YPEL3: variants seen among roughly 807,000 people sequenced by gnomAD.
The protein encoded by YPEL3 is protein yippee-like 3.
Under a neutral mutation model 17.5 loss-of-function variants are expected in YPEL3, and 5 were observed. The ratio of observed to expected loss-of-function variants is 0.29; its 90% CI spans 0.15 to 0.60. The LOEUF is 0.60. Among genes scored for constraint, YPEL3 ranks in the 20% least tolerant of loss-of-function variants. The pLI is 0.87. For synonymous variants in YPEL3, 87 were observed against 87.2 expected (o/e 1.00, Z 0.01); for missense variants, 155 against 211.4 (o/e 0.73, Z 1.65).
intron 3 of YPEL3, among the ~76,000 whole-genome samples, chr16:30,093,065 A>C (rs2072751926): frequency 6.6e-6 from 1 of 152,244 alleles, no homozygotes; most frequent in Non-Finnish European, 1.5e-5. Flanking sequence ...TGGTAGCTTC[A>C]TGGCCATTTT....
Position 30,095,532 on chromosome 16 carries a change from T to C in YPEL3, c.-50A>G, listed in dbSNP as rs1457473491. 16 of 1,409,368 alleles carry C rather than the reference T, an allele frequency of 1.1e-5. No homozygotes were observed. Among genetic ancestry groups the C allele is most frequent in the Non-Finnish European group, 1.5e-5 (16 of 1,067,774 alleles). The allele number at this position is 1,409,368 out of a possible 1,614,324, so 87.3% of individuals were successfully genotyped here. On this transcript the variant is annotated 5_prime_UTR_variant, in exon 1 of 4. Coordinates refer to ENST00000398841, the MANE Select transcript of YPEL3 (RefSeq NM_031477.5). The surrounding 1 kb of genome is among the most constrained non-coding windows in gnomAD (Gnocchi z 5.4). Reference sequence around the variant, plus strand: ...GACTCGCTCTGTCACACTGGGCTGCTCTCTCCTTTCCCCAGAGCCAGCAGC... The same window carrying C: ...GACTCGCTCTGTCACACTGGGCTGCCCTCTCCTTTCCCCAGAGCCAGCAGC...
At position 30,095,089 on chromosome 16, in the gene YPEL3, G is replaced by A. The variant is rs528186488; in HGVS notation, c.275+14C>T. 2.5e-6 allele frequency: 4 copies of A among 1,614,072 alleles called. No individual in the cohort carries two copies. Among genetic ancestry groups the A allele is most frequent in the African/African-American group, 1.3e-5 (1 of 75,046 alleles). ...AGAGGTCAGGGAAAGCAAGAAGGGAGGCCAGATACTCACACTGAGTTGAAG... is the reference window on the plus strand; with the variant it reads ...AGAGGTCAGGGAAAGCAAGAAGGGAAGCCAGATACTCACACTGAGTTGAAG... On this transcript the variant is annotated intron_variant, in intron 2 of 3. Coordinates refer to ENST00000398841, the MANE Select transcript of YPEL3 (RefSeq NM_031477.5). The surrounding 1 kb of genome is among the most constrained non-coding windows in gnomAD (Gnocchi z 5.4).
In YPEL3 at chr16:30,094,872, C is replaced by T. The variant is rs1280966188; in HGVS notation, c.301G>A (p.Glu101Lys). Reference sequence around the variant, plus strand: ...AGGCCGGTCAGCAGCACCCGCTCCTCGGCTGGCCCGCAGCCCACGTTCACC... The same window carrying T: ...AGGCCGGTCAGCAGCACCCGCTCCTTGGCTGGCCCGCAGCCCACGTTCACC... ...SVVNVGCGPAEERVLLTGLHA... is the reference protein window; with the variant it reads ...SVVNVGCGPAKERVLLTGLHA... Residue 101 changes from glutamate (E) to lysine (K), a missense_variant, in exon 3 of 4, where the codon GAG (glutamate) becomes AAG (lysine). Physicochemically the swap from Glu to Lys is moderately conservative, Grantham distance 56. This residue lies in a region of YPEL3 where 74 missense variants were observed against 134.9 expected (regional missense o/e 0.55). Coordinates refer to ENST00000398841, the MANE Select transcript of YPEL3 (RefSeq NM_031477.5). 5.6e-6 allele frequency: 9 copies of T among 1,613,512 alleles called. No homozygotes were observed. The East Asian group carries it at 6.7e-5, about 12-fold the overall frequency.
intron 3 of YPEL3, among the ~76,000 whole-genome samples, chr16:30,093,326 G>A (rs2072756910): frequency 6.6e-6 from 1 of 152,118 alleles, no homozygotes; most frequent in Admixed American, 6.5e-5. Flanking sequence ...GCAACGGCGC[G>A]ATATCGGCTC....
At chr16:30,093,613 A>G (rs1164601138) in intron 3 of YPEL3, 2 of 150,514 alleles carry the variant, frequency 1.3e-5, no homozygotes, top group African/African-American at 4.9e-5. Context: ...ATTAATTATT[A>G]TTATTTTTGA....
chr16:30,093,255 G>A (rs903423445), intron 3 of YPEL3, among the ~76,000 whole-genome samples: 9 of 152,114 alleles, frequency 5.9e-5, no homozygotes, highest in African/African-American at 2.2e-4. Context: ...GCAGGCACTT[G>A]AGGTTTTTTT....
intron 3 of YPEL3, chr16:30,094,330 GA>G (rs576094328): frequency 6.0e-3 from 999 of 166,672 alleles, no homozygotes; most frequent in South Asian, 0.016. Flanking sequence ...GGTTTGGAGT[GA>G]AAAAAAAAAA....
chr16:30,095,110 T>C lies in YPEL3; in HGVS notation c.268A>G (p.Asn90Asp). The C allele has an allele frequency of 1.9e-6, 3 of 1,614,012 alleles. No individual in the cohort carries two copies. The highest frequency in any genetic ancestry group is 2.5e-6 in the Non-Finnish European group (3 of 1,179,990). Residue 90 changes from asparagine to aspartate, a missense_variant, in exon 2 of 4, where the codon AAC becomes GAC. This residue lies in a region of YPEL3 where 74 missense variants were observed against 134.9 expected (regional missense o/e 0.55). Transcript: ENST00000398841. The surrounding 1 kb of genome is among the most constrained non-coding windows in gnomAD (Gnocchi z 5.4). ...QGSQGRAYLFNSVVNVGCGPA... is the reference protein window; with the variant it reads ...QGSQGRAYLFDSVVNVGCGPA... ...GGGAGGCCAGATACTCACACTGAGTTGAAGAGGTAGGCACGCCCCTGACTG... is the reference window on the plus strand; with the variant it reads ...GGGAGGCCAGATACTCACACTGAGTCGAAGAGGTAGGCACGCCCCTGACTG...
At position 30,094,909 on chromosome 16, in the gene YPEL3, T is replaced by TGGTGAG; in HGVS notation, c.276-13_276-12insCTCACC. On this transcript the variant is annotated splice_polypyrimidine_tract_variant and intron_variant, in intron 2 of 3. Transcript: ENST00000398841. ...AGCCCACGTTCACCCTGTGGGGACA[T>TGGTGAG]GGGGTAGTCCCAGGGAGGGTCCTGC... 6.2e-7 allele frequency: 1 copy of TGGTGAG among 1,609,768 alleles called. No individual in the cohort carries two copies. Among genetic ancestry groups the TGGTGAG allele is most frequent in the African/African-American group, 1.3e-5 (1 of 75,024 alleles).
In YPEL3 at chr16:30,096,208, G is replaced by A. The variant is rs1434352787; in HGVS notation, c.-726C>T. ...CCCGGGTTCGCAGGCGCCTGGACTT[G>A]TTTACACCGAGCCCAGCTGCTGCCG... On this transcript the variant is annotated 5_prime_UTR_variant, in exon 1 of 4. Transcript: ENST00000398841. 6.7e-6 allele frequency: 1 copy of A among 150,294 alleles called. No individual in the cohort carries two copies. Among genetic ancestry groups the A allele is most frequent in the Non-Finnish European group, 1.5e-5 (1 of 67,170 alleles). The allele number at this position is 150,294 out of a possible 1,614,324, so 9.3% of individuals were successfully genotyped here. A position where few individuals can be genotyped will look rare whatever the true frequency, so the allele number is the denominator to read the frequency against.
Position 30,092,677 on chromosome 16 carries a change from G to T in YPEL3, c.*33C>A, listed in dbSNP as rs770901144. On this transcript the variant is annotated 3_prime_UTR_variant, in exon 4 of 4. Transcript: ENST00000398841. The stretch of plus-strand genomic sequence containing the variant: ...AGTGGCGCTCCCTGGCGGCCAGGCC[G>T]GGCTGGAGCCACATGCGTCGGGGGA... 1.2e-6 allele frequency: 2 copies of T among 1,609,896 alleles called. No homozygotes were observed. Among genetic ancestry groups the T allele is most frequent in the Admixed American group, 1.7e-5 (1 of 59,978 alleles).
Position 30,095,659 on chromosome 16 carries a change from C to A in YPEL3, c.-177G>T. On this transcript the variant is annotated 5_prime_UTR_variant, in exon 1 of 4. Coordinates refer to ENST00000398841, the MANE Select transcript of YPEL3 (RefSeq NM_031477.5). This position sits in a 1 kb window ranked among gnomAD's most constrained non-coding sequence, Gnocchi z 5.4. ...TCGGAGGTGCCCAGGGTGAGTCACC[C>A]GCCTGCTTCCGGCCTCACCCTTGCT... 1.8e-6 allele frequency: 1 copy of A among 556,760 alleles called. No individual in the cohort carries two copies. Among genetic ancestry groups the A allele is most frequent in the Non-Finnish European group, 3.1e-6 (1 of 323,068 alleles). The allele number at this position is 556,760 out of a possible 1,614,324, so 34.5% of individuals were successfully genotyped here.
rs771072377 is a variant in YPEL3, at chr16:30,095,429, C to T, written c.54G>A (p.Leu18=). ...CGGCCCACGGGGAGCAGAGGGAGCC[C>T]AGTGCCTGCCGGGGAGGGAGTAGGT... The part of the protein sequence containing the change: ...TAHLLPPRQA[L]GSLCSPWAAP... Residue 18 remains leucine (L), a synonymous_variant, in exon 1 of 4, where the codon CTG becomes CTA. Transcript: ENST00000398841. This position sits in a 1 kb window ranked among gnomAD's most constrained non-coding sequence, Gnocchi z 5.4. 3 of 1,600,954 alleles carry T rather than the reference C, an allele frequency of 1.9e-6. No homozygotes were observed. The highest frequency in any genetic ancestry group is 1.7e-6 in the Non-Finnish European group (2 of 1,173,596).
chr16:30,095,272 G>T lies in YPEL3; in HGVS notation c.211C>A (p.His71Asn), dbSNP rs759352096. 1 of 1,614,186 alleles carries T rather than the reference G, an allele frequency of 6.2e-7. No individual in the cohort carries two copies. Among genetic ancestry groups the T allele is most frequent in the South Asian group, 1.1e-5 (1 of 91,090 alleles). Residue 71 changes from histidine to asparagine, a missense_variant, in exon 1 of 4, where the codon CAC becomes AAC. By Grantham distance (68) the His-to-Asn change is moderately conservative. This residue lies in a region of YPEL3 where 74 missense variants were observed against 134.9 expected (regional missense o/e 0.55). Transcript: ENST00000398841. This position sits in a 1 kb window ranked among gnomAD's most constrained non-coding sequence, Gnocchi z 5.4. ...CAHCRAHLAN[H>N]DDLISKSFQG... Reference sequence around the variant, plus strand: ...GTTACCTTGGAGATGAGGTCGTCGTGGTTGGCCAGGTGAGCGCGGCAGTGG... The same window carrying T: ...GTTACCTTGGAGATGAGGTCGTCGTTGTTGGCCAGGTGAGCGCGGCAGTGG...
chr16:30,092,743 G>T lies in YPEL3; in HGVS notation c.441C>A (p.Leu147=). The change falls in exon 4 of 4, where the codon CTC becomes CTA. Residue 147 remains leucine, a synonymous_variant. Coordinates refer to ENST00000398841, the MANE Select transcript of YPEL3 (RefSeq NM_031477.5). ...AGCCGTTGTCTTTGATCATGTGGTTGAGTTCAATGATGTACTTCCCCTCTT... is the reference window on the plus strand; with the variant it reads ...AGCCGTTGTCTTTGATCATGTGGTTTAGTTCAATGATGTACTTCCCCTCTT... ...KYKEGKYIIE[L]NHMIKDNGWD is the part of the protein sequence containing the mutation. The T allele has an allele frequency of 1.9e-6, 3 of 1,614,190 alleles. No individual in the cohort carries two copies. The highest frequency in any genetic ancestry group is 2.5e-6 in the Non-Finnish European group (3 of 1,180,006).
At chr16:30,093,271 T>G (rs1218445387) in intron 3 of YPEL3, among the ~76,000 whole-genome samples, 3 of 152,126 alleles carry the variant, frequency 2.0e-5, no homozygotes, top group East Asian at 1.9e-4. Context: ...TTTTTGTTTG[T>G]TTGGTTTTGA....
intron 3 of YPEL3, among the ~76,000 whole-genome samples, chr16:30,093,093 A>G (rs987273559): frequency 6.6e-6 from 1 of 152,218 alleles, no homozygotes; most frequent in Non-Finnish European, 1.5e-5. Context: ...AACATGTATT[A>G]TGTTTGGACA....
intron 3 of YPEL3, chr16:30,094,330 G>GA (rs576094328): frequency 0.011 from 1,886 of 166,166 alleles, no homozygotes; most frequent in South Asian, 0.044. Flanking sequence ...GGTTTGGAGT[G>GA]AAAAAAAAAA....
rs891133506 is a variant in YPEL3, at chr16:30,096,090, G to C, written c.-608C>G. The C allele has an allele frequency of 6.7e-6, 1 of 148,564 alleles. No homozygotes were observed. Among genetic ancestry groups the C allele is most frequent in the African/African-American group, 2.5e-5 (1 of 40,448 alleles). 9.2% of individuals were successfully genotyped at this position (148,564 alleles called of 1,614,324 possible). On this transcript the variant is annotated 5_prime_UTR_variant, in exon 1 of 4. Transcript: ENST00000398841. Reference sequence around the variant, plus strand: ...GCGACACGCAGCCCTGACGGCGCGGGCCTCACCTCGCCTGGGCGCGCGGGG... The same window carrying C: ...GCGACACGCAGCCCTGACGGCGCGGCCCTCACCTCGCCTGGGCGCGCGGGG...
Sources: gnomAD v4.1 joint callset for allele counts (sites outside exome capture counted in the v4.1 genomes callset) on GRCh38, gnomAD v4.1.1 for gene constraint, gnomAD v4.1.1 regional missense constraint, Gnocchi (gnomAD v3.1) non-coding constraint, MANE v1.5 for transcripts, NCBI Gene and HGNC (gene_info 2026-07-23, HGNC 2026-07-21) for gene names.